The following EGLN1 variants were observed in gnomAD, a reference collection of about 807,000 sequenced individuals.
The protein encoded by EGLN1 is egl nine homolog 1.
EGLN1 carries 17 observed loss-of-function variants against 38.3 expected under a neutral mutation model. That is an observed-to-expected ratio of 0.44 (90% CI 0.30 to 0.67). EGLN1 has a LOEUF of 0.67. Among genes scored for constraint, EGLN1 ranks in the 30% least tolerant of loss-of-function variants. The pLI, the probability that EGLN1 is intolerant of heterozygous loss-of-function variation, is 0.08. For synonymous variants in EGLN1, 283 were observed against 257.5 expected, an observed-to-expected ratio of 1.10 and a Z score of -0.95; for missense variants, 477 against 603.3, an observed-to-expected ratio of 0.79 and a Z score of 2.19.
chr1:231,380,478 T>A (rs902738916), intron 1 of EGLN1, among the ~76,000 whole-genome samples: 23 of 135,882 alleles, frequency 1.7e-4, no homozygotes, highest in Non-Finnish European at 3.6e-4. Context: ...ATATATATTT[T>A]AAAAAGACAT....
chr1:231,400,378 AGATCTGTAG>A (rs1403701414), intron 1 of EGLN1, among the ~76,000 whole-genome samples: 1 of 152,162 alleles, frequency 6.6e-6, no homozygotes, highest in East Asian at 1.9e-4. Context: ...CTGATTCAGA[AGATCTGTAG>A]TGGGGCCCTG....
intron 1 of EGLN1, among the ~76,000 whole-genome samples, chr1:231,408,195 T>C (rs1168108607): frequency 2.0e-5 from 3 of 152,140 alleles, no homozygotes; most frequent in Admixed American, 2.0e-4. Context: ...CGGGAGGATA[T>C]CTGGGAAGCA....
At chr1:231,389,470 GT>G (rs1205539105) in intron 1 of EGLN1, among the ~76,000 whole-genome samples, 2 of 152,132 alleles carry the variant, frequency 1.3e-5, no homozygotes, top group Non-Finnish European at 2.9e-5. Context: ...GCGAGTAACA[GT>G]GGCAATAAAT....
At chr1:231,416,606 T>G (rs371324779) in intron 1 of EGLN1, among the ~76,000 whole-genome samples, 6 of 152,130 alleles carry the variant, frequency 3.9e-5, no homozygotes, top group African/African-American at 1.4e-4. Context: ...GCTCAAGCGA[T>G]CCTCCTGCCT....
At chr1:231,379,518 T>A (rs1688031281) in intron 1 of EGLN1, among the ~76,000 whole-genome samples, 1 of 152,220 alleles carries the variant, frequency 6.6e-6, no homozygotes, top group South Asian at 2.1e-4. Flanking sequence ...GGTAATTATT[T>A]ATGCCATTAG....
chr1:231,370,039 T>C (rs1298029643), intron 3 of EGLN1, among the ~76,000 whole-genome samples: 2 of 152,180 alleles, frequency 1.3e-5, no homozygotes, highest in African/African-American at 2.4e-5. Context: ...GTAAAGCTAA[T>C]AGGATCATTT....
chr1:231,415,237 C>T (rs1238154928), intron 1 of EGLN1, among the ~76,000 whole-genome samples: 1 of 149,962 alleles, frequency 6.7e-6, no homozygotes, highest in African/African-American at 2.5e-5. Flanking sequence ...TGCACCACTG[C>T]ACTCCAGCCT....
At chr1:231,407,892 A>G (rs984351869) in intron 1 of EGLN1, among the ~76,000 whole-genome samples, 1 of 152,138 alleles carries the variant, frequency 6.6e-6, no homozygotes, top group African/African-American at 2.4e-5. Context: ...AACAGGATTA[A>G]AACTCTCACA....
At chr1:231,420,817 GC>G (rs1386286359) in intron 1 of EGLN1, among the ~76,000 whole-genome samples, 180 bp downstream of exon 1, 2 of 152,116 alleles carry the variant, frequency 1.3e-5, no homozygotes, top group African/African-American at 4.8e-5. Flanking sequence ...ATACAAAGGG[GC>G]TAACTAGATA....
At chr1:231,420,967 T>C in intron 1 of EGLN1, 31 bp downstream of exon 1, 1 of 1,612,820 alleles carries the variant, frequency 6.2e-7, no homozygotes, top group Non-Finnish European at 8.5e-7. Context: ...GAGAAGGGCC[T>C]GTCCAGCACA....
chr1:231,369,295 A>G (rs1687751771), intron 3 of EGLN1, among the ~76,000 whole-genome samples: 1 of 152,182 alleles, frequency 6.6e-6, no homozygotes, highest in African/African-American at 2.4e-5. Flanking sequence ...CAACTCCTGT[A>G]GCACTTAGCC....
intron 1 of EGLN1, among the ~76,000 whole-genome samples, chr1:231,375,493 C>T (rs1687936493): frequency 6.6e-6 from 1 of 152,222 alleles, no homozygotes; most frequent in South Asian, 2.1e-4. Flanking sequence ...AAACTCACTT[C>T]CCATCCCTAA....
rs995022066 is a variant in EGLN1, at chr1:231,377,007, T to A, written c.892-2908A>T. ...TAAGCCACAGGAAGGCCTTTGGATA[T>A]TGTGCTAAGAAGGGCCAGGAAGCCA... is the stretch of plus-strand genomic sequence containing the variant. On this transcript the variant is annotated intron_variant, in intron 1 of 4. Transcript: ENST00000366641. 1.3e-5 allele frequency among the ~76,000 whole-genome samples: 2 copies of A among 152,170 alleles called. 1 individual carries two copies. The highest frequency in any genetic ancestry group is 4.1e-4 in the South Asian group (2 of 4,824).
chr1:231,410,205 C>G (rs1688902619), intron 1 of EGLN1, among the ~76,000 whole-genome samples: 2 of 152,002 alleles, frequency 1.3e-5, no homozygotes, highest in South Asian at 4.1e-4. Flanking sequence ...ATGTCACTTC[C>G]ATCATCAGAT....
chr1:231,399,665 T>G (rs1688616769), intron 1 of EGLN1, among the ~76,000 whole-genome samples: 1 of 151,972 alleles, frequency 6.6e-6, no homozygotes, highest in Non-Finnish European at 1.5e-5. Context: ...TTTACTTCTC[T>G]CAATAATCAT....
chr1:231,374,638 C>T (rs1465136387), intron 1 of EGLN1, among the ~76,000 whole-genome samples: 1 of 152,070 alleles, frequency 6.6e-6, no homozygotes, highest in African/African-American at 2.4e-5. Flanking sequence ...CCACCTCAGC[C>T]TCCTAAGTAG....
At chr1:231,416,596 G>T (rs533452426) in intron 1 of EGLN1, among the ~76,000 whole-genome samples, 2 of 152,016 alleles carry the variant, frequency 1.3e-5, no homozygotes, top group African/African-American at 4.8e-5. Context: ...GAACTCCTGG[G>T]CTCAAGCGAT....
intron 1 of EGLN1, among the ~76,000 whole-genome samples, chr1:231,399,669 T>C (rs1370693884): frequency 2.6e-5 from 4 of 152,194 alleles, no homozygotes; most frequent in Non-Finnish European, 5.9e-5. Context: ...CTTCTCTCAA[T>C]AATCATGACA....
intron 1 of EGLN1, among the ~76,000 whole-genome samples, chr1:231,395,626 T>C (rs1427569078): frequency 6.6e-6 from 1 of 152,232 alleles, no homozygotes; most frequent in Non-Finnish European, 1.5e-5. Flanking sequence ...AGTGATCTAA[T>C]ACAGCAATCT....
Sources: gnomAD v4.1 joint callset for allele counts (sites outside exome capture counted in the v4.1 genomes callset) on GRCh38, gnomAD v4.1.1 for gene constraint, MANE v1.5 for transcripts, NCBI Gene and HGNC (gene_info 2026-07-23, HGNC 2026-07-21) for gene names.